The following NT5C3A variants were observed in gnomAD, a reference collection of about 807,000 sequenced individuals.
NT5C3A encodes the protein 5'-nucleotidase, cytosolic IIIA.
A neutral mutation model predicts 40.0 loss-of-function variants in NT5C3A; 23 were observed. That is an observed-to-expected ratio of 0.58 (90% CI 0.41 to 0.81). NT5C3A has a LOEUF of 0.81. Ranked by LOEUF, NT5C3A falls within the 40% of genes least tolerant of loss-of-function variation. The probability of loss-of-function intolerance (pLI) is 0.00; values close to 1 mark genes in which losing one functional copy is unlikely to be tolerated. For missense variants in NT5C3A, 328 were observed against 403.0 expected (o/e 0.81, Z 1.59); for synonymous variants, 130 against 141.4 (o/e 0.92, Z 0.57).
intron 1 of NT5C3A, among the ~76,000 whole-genome samples, chr7:33,057,683 T>C (rs537855039): frequency 1.3e-5 from 2 of 152,324 alleles, no homozygotes; most frequent in Non-Finnish European, 2.9e-5. Context: ...CATTTTTAAC[T>C]GGTTGTAGAG....
chr7:33,043,129 G>A (rs1212327574), intron 1 of NT5C3A, among the ~76,000 whole-genome samples: 11 of 152,118 alleles, frequency 7.2e-5, no homozygotes, highest in African/African-American at 2.7e-4. Flanking sequence ...CGGCAGAAAT[G>A]GATTCTAACT....
Position 33,022,063 on chromosome 7 carries a change from CA to C in NT5C3A, c.343del (p.Cys115ValfsTer8), listed in dbSNP as rs745848903. On this transcript the variant is annotated frameshift_variant, in exon 4 of 9. Coordinates refer to ENST00000610140, the MANE Select transcript of NT5C3A (RefSeq NM_001002010.5). LOFTEE classifies it high-confidence loss of function. ...GTTGTTAGTGTTTACCTTTTTTCTA[CA>C]TTCATCTGTAACCAGCTTACAGTTG... ...IDNCKLVTDE[C>X]RKKLLQLKEK... 2 of 1,533,052 alleles carry C rather than the reference CA, an allele frequency of 1.3e-6. No homozygotes were observed. The highest frequency in any genetic ancestry group is 2.2e-5 in the South Asian group (2 of 89,204). The allele number at this position is 1,533,052 out of a possible 1,614,324, so 95.0% of individuals were successfully genotyped here.
intron 7 of NT5C3A, chr7:33,017,103 A>C (rs1785375760): frequency 4.3e-6 from 1 of 230,556 alleles, no homozygotes; most frequent in Non-Finnish European, 8.4e-6. Context: ...GAATTGCTTG[A>C]ACCCAGGAGA....
chr7:33,016,859 G>T (rs1006221441), intron 7 of NT5C3A, among the ~76,000 whole-genome samples: 1 of 151,780 alleles, frequency 6.6e-6, no homozygotes, highest in Non-Finnish European at 1.5e-5. Context: ...GAATGTTAAG[G>T]CTTCAAAGTT....
At chr7:33,032,118 C>CTG (rs1472851609) in intron 1 of NT5C3A, among the ~76,000 whole-genome samples, 2 of 150,384 alleles carry the variant, frequency 1.3e-5, no homozygotes. Context: ...GAGCGAGACT[C>CTG]TGTCTCAAAA....
chr7:33,029,733 GTTTAT>G (rs1438889797), intron 1 of NT5C3A: 3 of 1,270,174 alleles, frequency 2.4e-6, no homozygotes, highest in Non-Finnish European at 3.1e-6. Context: ...TGTAAGATTG[GTTTAT>G]TTTATTTTTA....
In NT5C3A at chr7:33,036,093, G is replaced by T. The variant is rs1055304880; in HGVS notation, c.139-9178C>A. The T allele has an allele frequency of 1.2e-5, 10 of 848,140 alleles. No homozygotes were observed. In the African/African-American group the frequency reaches 1.4e-4, roughly 11 times the overall value. 52.5% of individuals were successfully genotyped at this position (848,140 alleles called of 1,614,324 possible). ...GTTATGCCAATAATATATTAAGGTG[G>T]AATTTTTGGTATGACTTATTTATTT... is the stretch of plus-strand genomic sequence containing the variant. On this transcript the variant is annotated intron_variant, in intron 1 of 8. Transcript: ENST00000610140.
At chr7:33,016,803 G>A (rs6942974) in intron 7 of NT5C3A, among the ~76,000 whole-genome samples, 1 of 152,094 alleles carries the variant, frequency 6.6e-6, no homozygotes, top group African/African-American at 2.4e-5. Context: ...ATTAGAAAAC[G>A]TTATTCAAAT....
At chr7:33,023,297 T>G (rs952290836) in intron 3 of NT5C3A, among the ~76,000 whole-genome samples, 9 of 151,986 alleles carry the variant, frequency 5.9e-5, no homozygotes, top group Non-Finnish European at 2.9e-5. Context: ...TTCACTCTGT[T>G]GCCCAGGCTG....
intron 1 of NT5C3A, among the ~76,000 whole-genome samples, chr7:33,030,980 G>T (rs1366941987): frequency 1.3e-5 from 2 of 151,682 alleles, no homozygotes; most frequent in Non-Finnish European, 2.9e-5. Context: ...GCGCCTGTAG[G>T]CCCAGCTACT....
rs986152152 is a variant in NT5C3A, at chr7:33,040,923, G to C, written c.139-14008C>G. 4.1e-6 allele frequency: 4 copies of C among 985,292 alleles called. No homozygotes were observed. The African/African-American group carries it at 7.0e-5, about 17-fold the overall frequency. The allele number at this position is 985,292 out of a possible 1,614,324, so 61.0% of individuals were successfully genotyped here. The stretch of plus-strand genomic sequence containing the variant: ...CAGCAAAAGAAAATTCTTCCTGTCT[G>C]AGAAGTACTAATATAGCACAAGGTG... On this transcript the variant is annotated intron_variant, in intron 1 of 8. Coordinates refer to ENST00000610140, the MANE Select transcript of NT5C3A (RefSeq NM_001002010.5).
At chr7:33,026,775 T>G in intron 2 of NT5C3A, 42 bp downstream of exon 2, 17 of 1,354,312 alleles carry the variant, frequency 1.3e-5, no homozygotes, top group East Asian at 2.3e-5. Flanking sequence ...ATTACAGGCA[T>G]GAGCCAACAC....
intron 1 of NT5C3A, among the ~76,000 whole-genome samples, chr7:33,035,171 G>C (rs369553863): frequency 6.7e-6 from 1 of 148,196 alleles, no homozygotes; most frequent in African/African-American, 2.5e-5. Context: ...CAGGGCTATA[G>C]AAGCTAATAA....
intron 1 of NT5C3A, among the ~76,000 whole-genome samples, chr7:33,054,684 TA>T (rs1196344342): frequency 6.6e-6 from 1 of 152,220 alleles, no homozygotes; most frequent in Admixed American, 6.5e-5. Context: ...AGTAATTTTA[TA>T]AAATATTTTA....
rs1430353702 is a variant in NT5C3A, at chr7:33,015,765, T to C, written c.799A>G (p.Ile267Val). 1.9e-6 allele frequency: 3 copies of C among 1,609,386 alleles called. No homozygotes were observed. Among genetic ancestry groups the C allele is most frequent in the African/African-American group, 1.3e-5 (1 of 74,956 alleles). ...CCTTGGGAGTCTCCCAGAAGAATTA[T>C]GTTACTATTGTCTTTTAGTTGATTG... ...YFNQLKDNSN[I>V]ILLGDSQGDL... is the part of the protein sequence containing the mutation. The change falls in exon 8 of 9, where the codon ATA becomes GTA. Residue 267 changes from isoleucine to valine, a missense_variant. This residue lies in a region of NT5C3A where 12 missense variants were observed against 34.7 expected (regional missense o/e 0.35). Transcript: ENST00000610140.
chr7:33,043,284 C>T (rs866517366), intron 1 of NT5C3A, among the ~76,000 whole-genome samples: 1 of 152,120 alleles, frequency 6.6e-6, no homozygotes, highest in African/African-American at 2.4e-5. Context: ...AAGGAAAAAT[C>T]TTTATACAAG....
chr7:33,060,179 C>T (rs1355628202), intron 1 of NT5C3A, among the ~76,000 whole-genome samples: 2 of 152,144 alleles, frequency 1.3e-5, no homozygotes, highest in African/African-American at 4.8e-5. Context: ...TCTCGAACTC[C>T]TGGGCTCAAG....
At chr7:33,016,769 T>C (rs1785354345) in intron 7 of NT5C3A, among the ~76,000 whole-genome samples, 1 of 152,216 alleles carries the variant, frequency 6.6e-6, no homozygotes, top group African/African-American at 2.4e-5. Flanking sequence ...TGTTATTTTA[T>C]GTATTTCATA....
chr7:33,027,110 C>A, intron 1 of NT5C3A, 195 bp from the exon 2 acceptor site: 1 of 480,854 alleles, frequency 2.1e-6, no homozygotes, highest in Non-Finnish European at 3.7e-6. Context: ...TGTTTTGTCA[C>A]CCCGGCTGGA....
Sources: gnomAD v4.1 joint callset for allele counts (sites outside exome capture counted in the v4.1 genomes callset) on GRCh38, gnomAD v4.1.1 for gene constraint, gnomAD v4.1.1 regional missense constraint, MANE v1.5 for transcripts, NCBI Gene and HGNC (gene_info 2026-07-23, HGNC 2026-07-21) for gene names.